GSTCD: variants seen among roughly 807,000 people sequenced by gnomAD.
GSTCD encodes the protein glutathione S-transferase C-terminal domain-containing protein.
Under a neutral mutation model 68.3 loss-of-function variants are expected in GSTCD, and 44 were observed. The ratio of observed to expected loss-of-function variants is 0.64; its 90% confidence interval spans 0.51 to 0.83. GSTCD has a LOEUF of 0.83. Ranked by LOEUF, GSTCD falls within the 40% of genes least tolerant of loss-of-function variation. GSTCD has a pLI of 0.00. For synonymous variants in GSTCD, 273 were observed against 255.2 expected (o/e 1.07, Z -0.67); for missense variants, 739 against 735.9 (o/e 1.00, Z -0.05).
chr4:105,716,550 G>A (rs573167463), intron 1 of GSTCD, among the ~76,000 whole-genome samples: 3 of 152,214 alleles, frequency 2.0e-5, no homozygotes, highest in Middle Eastern at 3.4e-3. Flanking sequence ...GATCAGCAGC[G>A]GCATCAGATT....
At chr4:105,735,599 A>G (rs965810430) in intron 5 of GSTCD, among the ~76,000 whole-genome samples, 1 of 152,056 alleles carries the variant, frequency 6.6e-6, no homozygotes, top group African/African-American at 2.4e-5. Context: ...TAGGAAAGGG[A>G]ATTCCCTGAC....
At chr4:105,834,315 T>A in intron 8 of GSTCD, 146 bp from the exon 9 acceptor site, 3 of 627,416 alleles carry the variant, frequency 4.8e-6, no homozygotes, top group Non-Finnish European at 8.0e-6. Context: ...TTGCAACCTT[T>A]CAAACTTGCT....
rs79143509 is a variant in GSTCD at position 105,822,735 on chromosome 4, G to C, written c.1241-219G>C. ...AAGGAAATGTTGAATAGACATAAAA[G>C]TAAAACAAGCAAAAATAAAGTTCAT... On this transcript the variant is annotated intron_variant, in intron 5 of 11. Coordinates refer to ENST00000515279, the MANE Select transcript of GSTCD (RefSeq NM_001370181.1). Among the ~76,000 whole-genome samples the C allele has an allele frequency of 3.3e-3, 505 of 152,138 alleles. 4 individuals carry two copies. Among genetic ancestry groups the C allele is most frequent in the African/African-American group, 0.011 (473 of 41,532 alleles).
intron 5 of GSTCD, among the ~76,000 whole-genome samples, chr4:105,749,451 A>G (rs754275218): frequency 3.9e-5 from 6 of 152,030 alleles, no homozygotes; most frequent in Admixed American, 6.5e-5. Context: ...GACTTACTAT[A>G]TAGCTATAGT....
At chr4:105,726,864 C>A (rs779825459) in intron 4 of GSTCD, 34 bp downstream of exon 4, 3 of 1,539,292 alleles carry the variant, frequency 1.9e-6, no homozygotes, top group South Asian at 1.2e-5. Flanking sequence ...TTGAAAAATT[C>A]TATGTGATAA....
intron 5 of GSTCD, among the ~76,000 whole-genome samples, chr4:105,793,581 T>G (rs1333370143): frequency 1.3e-5 from 2 of 152,030 alleles, no homozygotes; most frequent in African/African-American, 4.8e-5. Context: ...CTTACAAGTT[T>G]TATTTCATAT....
intron 5 of GSTCD, among the ~76,000 whole-genome samples, chr4:105,732,420 G>A (rs1223938281): frequency 6.6e-6 from 1 of 152,174 alleles, no homozygotes; most frequent in African/African-American, 2.4e-5. Context: ...TTAATCTTTG[G>A]AGGGTGTATG....
intron 5 of GSTCD, among the ~76,000 whole-genome samples, chr4:105,805,276 A>G (rs954776893): frequency 6.6e-6 from 1 of 152,064 alleles, no homozygotes; most frequent in Admixed American, 6.6e-5. Context: ...CTGTGTTTTT[A>G]TTTTAATTGC....
intron 5 of GSTCD, among the ~76,000 whole-genome samples, chr4:105,754,068 G>A (rs546234771): frequency 6.6e-6 from 1 of 151,836 alleles, no homozygotes; most frequent in Non-Finnish European, 1.5e-5. Flanking sequence ...TATTCATTAC[G>A]ATTGAAATTG....
In GSTCD at chr4:105,719,294, G is replaced by A. The variant is rs773032706; in HGVS notation, c.661G>A (p.Val221Ile). 1.2e-6 allele frequency: 2 copies of A among 1,614,078 alleles called. No individual in the cohort carries two copies. The highest frequency in any genetic ancestry group is 2.2e-5 in the South Asian group (2 of 91,084). ...TACTAAGGGAAAGGCAAAGAGCAAG[G>A]TCCACACACAGGAAACATCTGAAGG... ...PLTKGKAKSK[V>I]HTQETSEGLD... The change falls in exon 3 of 12, where the codon GTC becomes ATC. Residue 221 changes from valine to isoleucine, a missense_variant. Physicochemically the swap from Val to Ile is conservative, Grantham distance 29. Transcript: ENST00000515279.
At position 105,743,154 on chromosome 4, in the gene GSTCD, G is replaced by GTA. The variant is rs1373518374; in HGVS notation, c.1240+13656_1240+13657insAT. ...TTTAGTAGAGACGGGGTTTCACCAT[G>GTA]TTAGCCAGGATGGTCTCGATCTCCT... is the stretch of plus-strand genomic sequence containing the variant. On this transcript the variant is annotated intron_variant, in intron 5 of 11. Transcript: ENST00000515279. Among the ~76,000 whole-genome samples, 42 of 152,092 alleles carry GTA rather than the reference G, an allele frequency of 2.8e-4. 2 individuals are homozygous for GTA. The South Asian group carries it at 8.3e-3, about 30-fold the overall frequency.
intron 5 of GSTCD, among the ~76,000 whole-genome samples, chr4:105,777,921 A>C (rs1434714676): frequency 1.3e-5 from 2 of 152,144 alleles, no homozygotes; most frequent in Non-Finnish European, 2.9e-5. Context: ...CTTACAAATC[A>C]CTCAGTGTTT....
At chr4:105,739,919 C>T (rs1304280870) in intron 5 of GSTCD, among the ~76,000 whole-genome samples, 1 of 152,140 alleles carries the variant, frequency 6.6e-6, no homozygotes, top group Non-Finnish European at 1.5e-5. Flanking sequence ...AGCTTCAGCT[C>T]TAGCTGTGAG....
intron 7 of GSTCD, 126 bp downstream of exon 7, chr4:105,823,401 T>C: frequency 1.5e-6 from 1 of 645,844 alleles, no homozygotes; most frequent in Non-Finnish European, 2.7e-6. Flanking sequence ...GCACAGGCAT[T>C]GTCTTTTCTT....
At chr4:105,724,629 C>CA (rs938368018) in intron 3 of GSTCD, among the ~76,000 whole-genome samples, 2 of 144,620 alleles carry the variant, frequency 1.4e-5, no homozygotes, top group Admixed American at 7.0e-5. Context: ...TTCACAAACA[C>CA]AAAAAAATGG....
Position 105,717,960 on chromosome 4 carries a change from C to T in GSTCD, c.347C>T (p.Ser116Phe), listed in dbSNP as rs868719065. 1 of 1,614,018 alleles carries T rather than the reference C, an allele frequency of 6.2e-7. No homozygotes were observed. Among genetic ancestry groups the T allele is most frequent in the Non-Finnish European group, 8.5e-7 (1 of 1,179,970 alleles). The change falls in exon 2 of 12, where the codon TCC becomes TTC. Residue 116 changes from serine to phenylalanine, a missense_variant. Physicochemically the swap from Ser to Phe is radical, Grantham distance 155. Transcript: ENST00000515279. ...GTATTGAGACACATAATCCAGAAAT[C>T]CTATGAAGCAGACCCCTTAAAGAAG... Reference protein sequence around the residue: ...AVVLRHIIQKSYEADPLKKEL... With the variant: ...AVVLRHIIQKFYEADPLKKEL...
intron 5 of GSTCD, among the ~76,000 whole-genome samples, chr4:105,781,412 T>A (rs531415940): frequency 2.4e-5 from 3 of 125,466 alleles, no homozygotes; most frequent in South Asian, 4.8e-4. Flanking sequence ...CATGCTCAGC[T>A]TTTTTTTTTT....
chr4:105,829,189 A>T (rs1723794060), intron 8 of GSTCD, among the ~76,000 whole-genome samples: 1 of 142,180 alleles, frequency 7.0e-6, no homozygotes, highest in Non-Finnish European at 1.5e-5. Context: ...GCTATAATTA[A>T]AAAAAAAAAA....
intron 5 of GSTCD, among the ~76,000 whole-genome samples, chr4:105,755,605 A>G (rs1171776683): frequency 1.3e-5 from 2 of 151,982 alleles, no homozygotes; most frequent in Admixed American, 6.6e-5. Flanking sequence ...CTCACATGTT[A>G]AGGGTTCAGT....
Sources: gnomAD v4.1 joint callset for allele counts (sites outside exome capture counted in the v4.1 genomes callset) on GRCh38, gnomAD v4.1.1 for gene constraint, MANE v1.5 for transcripts, NCBI Gene and HGNC (gene_info 2026-07-23, HGNC 2026-07-21) for gene names.